Variants in CTNND2 observed in about 807,000 individuals in gnomAD.
The protein encoded by CTNND2 is catenin delta-2.
CTNND2 carries 22 observed loss-of-function variants against 144.4 expected under a neutral mutation model. That is an observed-to-expected ratio of 0.15 (90% CI 0.11 to 0.22). The LOEUF is 0.22. Among genes scored for constraint, CTNND2 ranks in the 10% least tolerant of loss-of-function variants. The pLI, the probability that CTNND2 is intolerant of heterozygous loss-of-function variation, is 1.00. For synonymous variants in CTNND2, 751 were observed against 695.6 expected (o/e 1.08, Z -1.25); for missense variants, 1,353 against 1,618.8 (o/e 0.84, Z 2.82).
intron 16 of CTNND2, 50 bp from the exon 17 acceptor site, chr5:11,023,029 A>G (rs772711540): frequency 1.9e-6 from 3 of 1,553,020 alleles, no homozygotes; most frequent in Non-Finnish European, 2.7e-6. Context: ...AGGTGAAGGC[A>G]GAGATAGTGG....
intron 17 of CTNND2, among the ~76,000 whole-genome samples, chr5:11,021,006 T>C (rs1048673934): frequency 1.3e-5 from 2 of 152,244 alleles, no homozygotes; most frequent in Non-Finnish European, 2.9e-5. Flanking sequence ...AGATTGGACC[T>C]GGCTTATCAG....
chr5:11,238,437 G>C (rs1360293121), intron 9 of CTNND2, among the ~76,000 whole-genome samples: 1 of 152,212 alleles, frequency 6.6e-6, no homozygotes, highest in Non-Finnish European at 1.5e-5. Context: ...AAATGGGACA[G>C]AGAAGGAACA....
intron 9 of CTNND2, among the ~76,000 whole-genome samples, chr5:11,289,652 A>G (rs887086075): frequency 1.3e-5 from 2 of 152,154 alleles, no homozygotes; most frequent in Non-Finnish European, 2.9e-5. Context: ...CAACAACAGC[A>G]ACTGCTCTCT....
Position 11,384,568 on chromosome 5 carries a change from A to T in CTNND2, c.1177+97T>A. The T allele has an allele frequency of 8.5e-7, 1 of 1,170,982 alleles. No homozygotes were observed. The highest frequency in any genetic ancestry group is 1.2e-6 in the Non-Finnish European group (1 of 851,310). The allele number at this position is 1,170,982 out of a possible 1,614,324, so 72.5% of individuals were successfully genotyped here. A position where few individuals can be genotyped will look rare whatever the true frequency, so the allele number is the denominator to read the frequency against. On this transcript the variant is annotated intron_variant, in intron 7 of 21. Coordinates refer to ENST00000304623, the MANE Select transcript of CTNND2 (RefSeq NM_001332.4). This position sits in a 1 kb window ranked among gnomAD's most constrained non-coding sequence, Gnocchi z 5.2. ...CTGCAACTACTACAACCTGGCAGAC[A>T]GCGCGCCCGGCTTCGCTTCTGCTCA... is the stretch of plus-strand genomic sequence containing the variant.
intron 1 of CTNND2, among the ~76,000 whole-genome samples, chr5:11,782,235 G>A (rs774035319): frequency 2.0e-5 from 3 of 151,914 alleles, no homozygotes; most frequent in East Asian, 1.9e-4. Context: ...ACCCAGTCTC[G>A]GATATTTCTA....
At chr5:11,200,970 T>C (rs894245589) in intron 10 of CTNND2, among the ~76,000 whole-genome samples, 1 of 151,960 alleles carries the variant, frequency 6.6e-6, no homozygotes, top group African/African-American at 2.4e-5. Flanking sequence ...TGAGCCACCG[T>C]GCCAGGCCAT....
intron 1 of CTNND2, among the ~76,000 whole-genome samples, chr5:11,896,634 TA>T (rs1737415856): frequency 6.6e-6 from 1 of 152,142 alleles, no homozygotes; most frequent in African/African-American, 2.4e-5. Flanking sequence ...CTGCATAATG[TA>T]ATATATATAT....
intron 2 of CTNND2, among the ~76,000 whole-genome samples, chr5:11,590,057 T>TC (rs1260493264): frequency 6.6e-6 from 1 of 151,696 alleles, no homozygotes; most frequent in Non-Finnish European, 1.5e-5. Context: ...ATTTTTTTTT[T>TC]TTTTTTGAGA....
In CTNND2 at chr5:11,888,305, T is replaced by C. The variant is rs113766365; in HGVS notation, c.37+15512A>G. Among the ~76,000 whole-genome samples, 53 of 152,224 alleles carry C rather than the reference T, an allele frequency of 3.5e-4. 1 individual carries two copies. Among genetic ancestry groups the C allele is most frequent in the African/African-American group, 1.0e-3 (42 of 41,538 alleles). On this transcript the variant is annotated intron_variant, in intron 1 of 21. Transcript: ENST00000304623. Reference sequence around the variant, plus strand: ...ACTAGGCTAAAAGACCCAGGAAAGGTAGAATGGTTGACGAAGATAAGAGTA... The same window carrying C: ...ACTAGGCTAAAAGACCCAGGAAAGGCAGAATGGTTGACGAAGATAAGAGTA...
At chr5:11,370,011 G>A (rs1469980679) in intron 7 of CTNND2, among the ~76,000 whole-genome samples, 1 of 152,088 alleles carries the variant, frequency 6.6e-6, no homozygotes, top group Non-Finnish European at 1.5e-5. Flanking sequence ...AAATCTTTAC[G>A]AGTTCATACT....
chr5:11,564,987 G>A lies in CTNND2; in HGVS notation c.244C>T (p.Arg82Ter), dbSNP rs1285911975. 4 of 1,613,866 alleles carry A rather than the reference G, an allele frequency of 2.5e-6. No individual in the cohort carries two copies. Among genetic ancestry groups the A allele is most frequent in the African/African-American group, 1.3e-5 (1 of 74,904 alleles). ...CCAGTCTCGGATCCGAGCTTGCATC[G>A]CTCCAGCTGGCTGGCTACGATCTGC... Reference protein sequence around the residue: ...ERQIVASQLERCKLGSETGSM... With the variant: ...ERQIVASQLE Residue 82 changes from arginine to a stop codon, truncating the protein, a stop_gained, in exon 3 of 22, where the codon CGA (arginine) becomes TGA (stop). Transcript: ENST00000304623. LOFTEE classifies it high-confidence loss of function.
In CTNND2 at chr5:11,639,702, T is replaced by C. The variant is rs115906215; in HGVS notation, c.175-74646A>G. On this transcript the variant is annotated intron_variant, in intron 2 of 21. Coordinates refer to ENST00000304623, the MANE Select transcript of CTNND2 (RefSeq NM_001332.4). ...CAAGAAAGGGATATCATAGATACCATTTCTCAAAATTATATAACTCTAGAA... is the reference window on the plus strand; with the variant it reads ...CAAGAAAGGGATATCATAGATACCACTTCTCAAAATTATATAACTCTAGAA... Among the ~76,000 whole-genome samples, 1,035 of 152,300 alleles carry C rather than the reference T, an allele frequency of 6.8e-3. 5 individuals carry two copies. Among genetic ancestry groups the C allele is most frequent in the African/African-American group, 0.019 (806 of 41,566 alleles).
At chr5:10,977,501 G>A (rs1184727590) in intron 21 of CTNND2, among the ~76,000 whole-genome samples, 4 of 151,532 alleles carry the variant, frequency 2.6e-5, no homozygotes, top group Non-Finnish European at 2.9e-5. Context: ...CACTCAGGCT[G>A]GAGTGCAGTA....
At chr5:11,861,008 T>A (rs573395606) in intron 1 of CTNND2, among the ~76,000 whole-genome samples, 1 of 152,200 alleles carries the variant, frequency 6.6e-6, no homozygotes, top group South Asian at 2.1e-4. Flanking sequence ...TTCTAAAAGG[T>A]ACTGGAATGC....
chr5:11,176,276 C>A (rs1760470266), intron 11 of CTNND2, among the ~76,000 whole-genome samples: 1 of 151,778 alleles, frequency 6.6e-6, no homozygotes, highest in Admixed American at 6.6e-5. Context: ...TTTAAAAATC[C>A]AGGGGACATT....
intron 10 of CTNND2, 121 bp from the exon 11 acceptor site, chr5:11,199,782 T>C (rs1737244319): frequency 1.4e-6 from 1 of 695,800 alleles, no homozygotes; most frequent in Admixed American, 2.7e-5. Flanking sequence ...AATTAAGGCA[T>C]ACAAAAGGAA....
intron 16 of CTNND2, among the ~76,000 whole-genome samples, chr5:11,069,399 G>T (rs1747982888): frequency 6.6e-6 from 1 of 152,118 alleles, no homozygotes; most frequent in Non-Finnish European, 1.5e-5. Context: ...TAGAAAAGGA[G>T]GTGAAAGAGC....
At chr5:11,268,848 T>G (rs1047342148) in intron 9 of CTNND2, among the ~76,000 whole-genome samples, 1 of 152,190 alleles carries the variant, frequency 6.6e-6, no homozygotes, top group African/African-American at 2.4e-5. Flanking sequence ...AGATGTTCAT[T>G]GCAGGGAGCA....
In CTNND2 at chr5:11,428,697, G is replaced by C. The variant is rs561276410; in HGVS notation, c.288-16628C>G. Among the ~76,000 whole-genome samples the C allele has an allele frequency of 5.3e-5, 8 of 152,290 alleles. No homozygotes were observed. The East Asian group carries it at 1.5e-3, about 29-fold the overall frequency. On this transcript the variant is annotated intron_variant, in intron 3 of 21. Coordinates refer to ENST00000304623, the MANE Select transcript of CTNND2 (RefSeq NM_001332.4). ...GTAGGATTTCCTCTTAATATTCTAA[G>C]CATGCTCTGCATTTATTTCGCTGAA...
Sources: gnomAD v4.1 joint callset for allele counts (sites outside exome capture counted in the v4.1 genomes callset) on GRCh38, gnomAD v4.1.1 for gene constraint, Gnocchi (gnomAD v3.1) non-coding constraint, MANE v1.5 for transcripts, NCBI Gene and HGNC (gene_info 2026-07-23, HGNC 2026-07-21) for gene names.